The following SYAP1 variants were observed in gnomAD, a reference collection of about 807,000 sequenced individuals.
SYAP1 encodes the protein synapse-associated protein 1.
In SYAP1, 3 loss-of-function variants were observed where a neutral mutation model predicts 29.6. The ratio of observed to expected loss-of-function variants is 0.10; its 90% CI spans 0.05 to 0.26. The LOEUF is 0.26. Ranked by LOEUF, SYAP1 falls within the 10% of genes least tolerant of loss-of-function variation. SYAP1 has a pLI of 1.00. For missense variants in SYAP1, 217 were observed against 264.1 expected (o/e 0.82, Z 1.24); for synonymous variants, 102 against 102.7 (o/e 0.99, Z 0.04).
intron 3 of SYAP1, among the ~76,000 whole-genome samples, chrX:16,740,968 T>C (rs1926445534): frequency 9.0e-6 from 1 of 111,052 alleles, no homozygotes; most frequent in African/African-American, 3.3e-5. Context: ...AGAATACTTC[T>C]CTTCCTTTTT....
chrX:16,744,983 C>G (rs1029590766), intron 5 of SYAP1, among the ~76,000 whole-genome samples: 4 of 112,098 alleles, frequency 3.6e-5, no homozygotes, highest in African/African-American at 1.3e-4. Flanking sequence ...AAGACAGACT[C>G]CTTTTTCTAT....
At position 16,744,615 on chromosome X, in the gene SYAP1, G is replaced by T. The variant is rs150573271; in HGVS notation, c.575+775G>T. Among the ~76,000 whole-genome samples the T allele has an allele frequency of 4.7e-3, 526 of 112,150 alleles. 6 individuals carry two copies. The highest frequency in any genetic ancestry group is 0.037 in the Admixed American group (391 of 10,484). ...TGGGAGGCTGAGGTGGGAGGATCAC[G>T]TGAGGTTGAGTTCGAGACCAGCCTG... is the stretch of plus-strand genomic sequence containing the variant. On this transcript the variant is annotated intron_variant, in intron 5 of 8. Transcript: ENST00000380155.
Position 16,743,824 on chromosome X carries a change from G to A in SYAP1, c.559G>A (p.Ala187Thr), listed in dbSNP as rs201753067. The part of the protein sequence containing the change: ...EDELLSKMRF[A>T]LVPKLVKEEV... ...TGAGCTGCTAAGCAAGATGAGATTT[G>A]CCCTCGTTCCTAAACTGTAAGCAGA... The change falls in exon 5 of 9, where the codon GCC (alanine) becomes ACC (threonine). Residue 187 changes from alanine to threonine, a missense_variant. Ala to Thr is a moderately conservative substitution (Grantham distance 58, BLOSUM62 0). Coordinates refer to ENST00000380155, the MANE Select transcript of SYAP1 (RefSeq NM_032796.4). 11 of 1,207,974 alleles carry A rather than the reference G, an allele frequency of 9.1e-6. No homozygotes were observed. In the Admixed American group the frequency reaches 1.1e-4, roughly 12 times the overall value.
intron 5 of SYAP1, among the ~76,000 whole-genome samples, chrX:16,747,909 C>A (rs958343978): frequency 9.0e-6 from 1 of 110,782 alleles, no homozygotes; most frequent in Non-Finnish European, 1.9e-5. Flanking sequence ...CTGGTGAAAC[C>A]CCGTGTCTAC....
intron 1 of SYAP1, among the ~76,000 whole-genome samples, chrX:16,726,270 C>A (rs955134667): frequency 7.2e-5 from 8 of 111,543 alleles, no homozygotes; most frequent in African/African-American, 2.6e-4. Flanking sequence ...GTCCTGAAGA[C>A]CTTCCTCTGG....
Position 16,754,926 on chromosome X carries a change from AT to A in SYAP1, c.576-16del. 1 of 1,207,786 alleles carries A rather than the reference AT, an allele frequency of 8.3e-7. No individual in the cohort carries two copies. Among genetic ancestry groups the A allele is most frequent in the Middle Eastern group, 2.3e-4 (1 of 4,339 alleles). On this transcript the variant is annotated intron_variant, in intron 5 of 8. Coordinates refer to ENST00000380155, the MANE Select transcript of SYAP1 (RefSeq NM_032796.4). ...AATTTTGCCTTTTTCCACTGTTCTAATTTGCCTTTCTTTAAAAGTGTGAAGG... is the reference window on the plus strand; with the variant it reads ...AATTTTGCCTTTTTCCACTGTTCTAATTGCCTTTCTTTAAAAGTGTGAAGG...
In SYAP1 at chrX:16,741,718, G is replaced by A. The variant is rs913384767; in HGVS notation, c.364G>A (p.Ala122Thr). 1.7e-6 allele frequency: 2 copies of A among 1,196,261 alleles called. No individual in the cohort carries two copies. Among genetic ancestry groups the A allele is most frequent in the Admixed American group, 2.3e-5 (1 of 43,181 alleles). Residue 122 changes from alanine to threonine, a missense_variant and splice_region_variant, in exon 4 of 9, where the codon GCA becomes ACA. Coordinates refer to ENST00000380155, the MANE Select transcript of SYAP1 (RefSeq NM_032796.4). Reference protein sequence around the residue: ...VEEQHTKKSEAAVPPWVDTND... With the variant: ...VEEQHTKKSETAVPPWVDTND... ...CTTTGCCATTAAAAACTGTATAGAA[G>A]CAGCTGTGCCCCCATGGGTTGACAC...
intron 5 of SYAP1, among the ~76,000 whole-genome samples, chrX:16,749,910 C>CCA (rs1926691240): frequency 1.7e-5 from 1 of 58,037 alleles, no homozygotes; most frequent in Admixed American, 2.1e-4. Flanking sequence ...GACTCCATCT[C>CCA]AAAAAAAAAA....
intron 1 of SYAP1, among the ~76,000 whole-genome samples, chrX:16,728,534 G>A (rs6632877): frequency 0.34 from 37,528 of 108,961 alleles, 4,919 homozygotes; most frequent in East Asian, 0.56. Context: ...GCATGATGGC[G>A]GGTACCTGTA....
chrX:16,747,685 C>T lies in SYAP1; in HGVS notation c.575+3845C>T, dbSNP rs1036305828. Among the ~76,000 whole-genome samples, 3 of 113,051 alleles carry T rather than the reference C, an allele frequency of 2.7e-5. No individual in the cohort carries two copies. In the South Asian group the frequency reaches 1.1e-3, roughly 40 times the overall value. On this transcript the variant is annotated intron_variant, in intron 5 of 8. Coordinates refer to ENST00000380155, the MANE Select transcript of SYAP1 (RefSeq NM_032796.4). ...GTGTTTCTAATTTGTCACAGGGCAA[C>T]CTGCCAATCAAATATTTCAATATGA...
intron 1 of SYAP1, 92 bp from the exon 2 acceptor site, chrX:16,735,135 G>T: frequency 1.9e-6 from 1 of 525,801 alleles, no homozygotes; most frequent in Non-Finnish European, 3.0e-6. Flanking sequence ...TTATGAACAA[G>T]GAACATGCCC....
chrX:16,756,825 G>T, intron 7 of SYAP1, 104 bp downstream of exon 7: 1 of 826,173 alleles, frequency 1.2e-6, no homozygotes, highest in Non-Finnish European at 1.8e-6. Context: ...TATGGGTTTG[G>T]AAGAAGCAGC....
rs1475604925 is a variant in SYAP1 at position 16,764,433 on chromosome X, C to T, written c.*4074C>T. ...TGGAGTGCAGTGGCCGCAACCTCGG[C>T]TCACTGCAACCTCCGCCTCCTGGGT... is the stretch of plus-strand genomic sequence containing the variant. On this transcript the variant is annotated 3_prime_UTR_variant, in exon 9 of 9. Transcript: ENST00000380155. The T allele has an allele frequency of 9.8e-6, 1 of 102,273 alleles. No individual in the cohort carries two copies. Among genetic ancestry groups the T allele is most frequent in the Non-Finnish European group, 2.0e-5 (1 of 50,351 alleles). The allele number at this position is 102,273 out of a possible 1,213,427, so 8.4% of individuals were successfully genotyped here.
chrX:16,739,920 G>A (rs147151647), intron 3 of SYAP1, among the ~76,000 whole-genome samples: 1,117 of 111,365 alleles, frequency 0.01, 15 homozygotes, highest in African/African-American at 0.035. Context: ...GCTGTGGGTT[G>A]CTGAATGAGG....
In SYAP1 at chrX:16,761,155, G is replaced by A. The variant is rs1198252141; in HGVS notation, c.*796G>A. The A allele has an allele frequency of 2.0e-5, 2 of 99,173 alleles. No individual in the cohort carries two copies. Among genetic ancestry groups the A allele is most frequent in the Non-Finnish European group, 2.0e-5 (1 of 50,579 alleles). 8.2% of individuals were successfully genotyped at this position (99,173 alleles called of 1,213,427 possible). ...GAACCCAGGAGGCAGAGGTTGCAGC[G>A]AGCTGAGATCGCGCCACTGCACTCC... is the stretch of plus-strand genomic sequence containing the variant. On this transcript the variant is annotated 3_prime_UTR_variant, in exon 9 of 9. Transcript: ENST00000380155.
chrX:16,742,292 C>T (rs1261412903), intron 4 of SYAP1, among the ~76,000 whole-genome samples: 2 of 109,223 alleles, frequency 1.8e-5, no homozygotes, highest in African/African-American at 3.4e-5. Context: ...GCTGGTATTA[C>T]AGGTGCCCGC....
chrX:16,749,251 C>T (rs1221166938), intron 5 of SYAP1, among the ~76,000 whole-genome samples: 1 of 109,829 alleles, frequency 9.1e-6, no homozygotes, highest in African/African-American at 3.3e-5. Context: ...GTCAGGGTCT[C>T]ACTCTGTTGC....
At chrX:16,751,726 TG>T (rs1926735778) in intron 5 of SYAP1, among the ~76,000 whole-genome samples, 1 of 103,669 alleles carries the variant, frequency 9.6e-6, no homozygotes, top group Admixed American at 1.1e-4. Flanking sequence ...TTGCCCAGGC[TG>T]GAGTGCAATG....
intron 6 of SYAP1, among the ~76,000 whole-genome samples, chrX:16,755,715 C>G (rs553226262): frequency 2.7e-5 from 3 of 111,564 alleles, no homozygotes; most frequent in Middle Eastern, 4.6e-3. Flanking sequence ...CATTGTGACA[C>G]TAACTTACCC....
Sources: allele counts gnomAD v4.1 joint callset (sites outside exome capture counted in the v4.1 genomes callset), GRCh38; gene constraint gnomAD v4.1.1; transcripts MANE v1.5; gene names NCBI Gene and HGNC (gene_info 2026-07-23, HGNC 2026-07-21).